Variants in RPS6KC1 observed in about 807,000 individuals in gnomAD.
The protein encoded by RPS6KC1 is inactive ribosomal protein S6 kinase delta-1.
RPS6KC1 carries 54 observed loss-of-function variants against 103.8 expected under a neutral mutation model. The observed-to-expected ratio is 0.52, with a 90% confidence interval of 0.42 to 0.65. The LOEUF is 0.65. RPS6KC1 is among the 30% of genes least tolerant of loss of function. The pLI, the probability that RPS6KC1 is intolerant of heterozygous loss-of-function variation, is 0.00. For missense variants in RPS6KC1, 1,151 were observed against 1,253.8 expected (o/e 0.92, Z 1.24); for synonymous variants, 439 against 438.7 (o/e 1.00, Z -0.01).
chr1:213,481,893 G>C, the RPS6KC1 span, among the ~76,000 whole-genome samples: 6 of 152,156 alleles, frequency 3.9e-5, no homozygotes, highest in South Asian at 1.2e-3. Flanking sequence ...TCATGGGGGT[G>C]GATTTCTCAT....
At chr1:213,784,707 A>G in the RPS6KC1 span, among the ~76,000 whole-genome samples, 2 of 152,204 alleles carry the variant, frequency 1.3e-5, no homozygotes, top group Non-Finnish European at 2.9e-5. Context: ...GGAGAGTGCC[A>G]ACTGGATGGC....
chr1:213,778,235 C>G, the RPS6KC1 span, among the ~76,000 whole-genome samples: 121,158 of 152,168 alleles, frequency 0.8, 48,866 homozygotes, highest in East Asian at 0.98. Context: ...AATGAAATCA[C>G]AATGAAAGTA....
the RPS6KC1 span, among the ~76,000 whole-genome samples, chr1:213,412,361 T>C: frequency 6.6e-6 from 1 of 152,344 alleles, no homozygotes; most frequent in Non-Finnish European, 1.5e-5. Context: ...TTTTGTGCCA[T>C]TTCTTTGATG....
chr1:213,695,570 AAAAGAGTTTTT>A, the RPS6KC1 span, among the ~76,000 whole-genome samples: 1 of 152,228 alleles, frequency 6.6e-6, no homozygotes, highest in Non-Finnish European at 1.5e-5. Flanking sequence ...CATTGGGAAA[AAAAGAGTTTTT>A]AAAGAGTTTT....
At chr1:213,505,137 GTATCCCCTGAGA>G in the RPS6KC1 span, among the ~76,000 whole-genome samples, 1 of 152,060 alleles carries the variant, frequency 6.6e-6, no homozygotes, top group Admixed American at 6.6e-5. Context: ...CTTACCCCAA[GTATCCCCTGAGA>G]TCCTATTCTA....
At chr1:213,768,013 T>C in the RPS6KC1 span, among the ~76,000 whole-genome samples, 1 of 152,212 alleles carries the variant, frequency 6.6e-6, no homozygotes, top group East Asian at 1.9e-4. Context: ...GTCATAGGCA[T>C]GGCCTTACTT....
chr1:213,516,337 G>A, the RPS6KC1 span, among the ~76,000 whole-genome samples: 1 of 151,932 alleles, frequency 6.6e-6, no homozygotes, highest in Non-Finnish European at 1.5e-5. Context: ...TCCAGTTTTT[G>A]CCCATTCAGT....
At chr1:213,410,823 A>T in the RPS6KC1 span, among the ~76,000 whole-genome samples, 23 of 150,622 alleles carry the variant, frequency 1.5e-4, no homozygotes, top group Middle Eastern at 3.4e-3. Context: ...AGTGCCAGTG[A>T]TTTTTTTTTT....
chr1:213,131,513 A>T (rs2085613583), intron 6 of RPS6KC1, among the ~76,000 whole-genome samples: 2 of 151,808 alleles, frequency 1.3e-5, no homozygotes, highest in South Asian at 4.2e-4. Flanking sequence ...GTATGATCTC[A>T]GCTCGCTGCA....
intron 1 of RPS6KC1, among the ~76,000 whole-genome samples, chr1:213,067,792 A>G (rs1260059524): frequency 6.6e-6 from 1 of 152,042 alleles, no homozygotes; most frequent in Non-Finnish European, 1.5e-5. Flanking sequence ...ATAATAATCA[A>G]ATTGGTTATT....
the RPS6KC1 span, among the ~76,000 whole-genome samples, chr1:213,287,479 G>T: frequency 1.3e-5 from 2 of 152,128 alleles, no homozygotes; most frequent in Admixed American, 6.5e-5. Context: ...CCTCTTTGAT[G>T]GTGTCCTTGT....
the RPS6KC1 span, among the ~76,000 whole-genome samples, chr1:213,742,089 G>T: frequency 6.6e-6 from 1 of 152,122 alleles, no homozygotes; most frequent in Non-Finnish European, 1.5e-5. Flanking sequence ...GGAGATCAAA[G>T]GACTGTTGCT....
At chr1:213,085,746 A>G (rs1172650548) in intron 3 of RPS6KC1, among the ~76,000 whole-genome samples, 3 of 152,086 alleles carry the variant, frequency 2.0e-5, no homozygotes, top group Admixed American at 1.3e-4. Flanking sequence ...TATTGTATCC[A>G]TGAATCTGTC....
the RPS6KC1 span, among the ~76,000 whole-genome samples, chr1:213,697,375 A>G: frequency 6.6e-5 from 10 of 152,236 alleles, no homozygotes; most frequent in African/African-American, 2.4e-4. Flanking sequence ...GTGCAGCTCA[A>G]CAGATGTACC....
the RPS6KC1 span, among the ~76,000 whole-genome samples, chr1:213,544,087 G>A: frequency 1.4e-4 from 21 of 152,244 alleles, no homozygotes; most frequent in Admixed American, 1.3e-3. Context: ...ATGATAAGCA[G>A]AGGAGGAGGG....
chr1:213,784,726 C>T, the RPS6KC1 span, among the ~76,000 whole-genome samples: 1 of 152,322 alleles, frequency 6.6e-6, no homozygotes, highest in African/African-American at 2.4e-5. Context: ...GCGCTTTTCA[C>T]TATGGACTGG....
chr1:213,161,325 C>CT (rs1320980528), intron 6 of RPS6KC1, among the ~76,000 whole-genome samples: 5,212 of 145,204 alleles, frequency 0.036, 116 homozygotes, highest in Middle Eastern at 0.057. Context: ...TTGACTCATT[C>CT]TTTTTTTTTT....
At chr1:213,713,632 C>A in the RPS6KC1 span, among the ~76,000 whole-genome samples, 1 of 152,126 alleles carries the variant, frequency 6.6e-6, no homozygotes, top group African/African-American at 2.4e-5. Context: ...TGCAAGCCAC[C>A]CAAACTAGCT....
chr1:213,361,284 C>T, the RPS6KC1 span, among the ~76,000 whole-genome samples: 3 of 152,264 alleles, frequency 2.0e-5, no homozygotes, highest in Admixed American at 1.3e-4. Flanking sequence ...GCCTTGCTGA[C>T]GCCTTGCAGT....
Sources: allele counts gnomAD v4.1 joint callset (sites outside exome capture counted in the v4.1 genomes callset), GRCh38; gene constraint gnomAD v4.1.1; transcripts MANE v1.5; gene names NCBI Gene and HGNC (gene_info 2026-07-23, HGNC 2026-07-21).